The following ATF7IP variants were observed in gnomAD, a reference collection of about 807,000 sequenced individuals.
ATF7IP encodes activating transcription factor 7 interacting protein.
ATF7IP carries 23 observed loss-of-function variants against 106.4 expected under a neutral mutation model. That is an observed-to-expected ratio of 0.22 (90% CI 0.16 to 0.31). The LOEUF (loss-of-function observed/expected upper bound fraction) is 0.31. Ranked by LOEUF, ATF7IP falls within the 10% of genes least tolerant of loss-of-function variation. The probability of loss-of-function intolerance (pLI) is 1.00; values close to 1 mark genes in which losing one functional copy is unlikely to be tolerated. For synonymous variants in ATF7IP, 542 were observed against 539.0 expected (o/e 1.01, Z -0.08); for missense variants, 1,334 against 1,524.3 (o/e 0.88, Z 2.08).
At chr12:14,369,831 A>C (rs1331737802) in intron 1 of ATF7IP, among the ~76,000 whole-genome samples, 1 of 152,168 alleles carries the variant, frequency 6.6e-6, no homozygotes, top group African/African-American at 2.4e-5. Context: ...TTTGGTAGCA[A>C]ACAATTCTGA....
chr12:14,476,522 G>C (rs1373747541), intron 11 of ATF7IP: 1 of 151,042 alleles, frequency 6.6e-6, no homozygotes, highest in Non-Finnish European at 1.5e-5. Flanking sequence ...GAGTACCTCT[G>C]TTTTTGTATC....
chr12:14,396,498 A>C (rs549538885), intron 1 of ATF7IP, among the ~76,000 whole-genome samples: 1 of 152,086 alleles, frequency 6.6e-6, no homozygotes, highest in Non-Finnish European at 1.5e-5. Context: ...TGTATGTTTC[A>C]TCTCAGTAAA....
Position 14,460,952 on chromosome 12 carries a change from G to T in ATF7IP, c.2616G>T (p.Val872=), listed in dbSNP as rs1471515665. 3 of 1,614,124 alleles carry T rather than the reference G, an allele frequency of 1.9e-6. No homozygotes were observed. The highest frequency in any genetic ancestry group is 2.5e-6 in the Non-Finnish European group (3 of 1,180,022). Reference sequence around the variant, plus strand: ...CACCATTGGGAACAACACTTGCTGTGCAGGCTGTTCCAACAGCACACTCTA... The same window carrying T: ...CACCATTGGGAACAACACTTGCTGTTCAGGCTGTTCCAACAGCACACTCTA... ...SAAPLGTTLA[V]QAVPTAHSIV... The change falls in exon 9 of 15, where the codon GTG becomes GTT. Residue 872 remains valine, a synonymous_variant. Transcript: ENST00000261168.
chr12:14,463,410 T>C (rs936938692), intron 9 of ATF7IP, among the ~76,000 whole-genome samples: 1 of 152,184 alleles, frequency 6.6e-6, no homozygotes, highest in African/African-American at 2.4e-5. Flanking sequence ...GTAATGAATG[T>C]CTGTATTATC....
intron 1 of ATF7IP, among the ~76,000 whole-genome samples, chr12:14,392,210 C>A (rs1939593065): frequency 6.6e-6 from 1 of 151,606 alleles, no homozygotes; most frequent in Non-Finnish European, 1.5e-5. Flanking sequence ...CACAAGACTC[C>A]CTTTAGCACA....
At chr12:14,395,904 C>G (rs1939812072) in intron 1 of ATF7IP, among the ~76,000 whole-genome samples, 1 of 151,606 alleles carries the variant, frequency 6.6e-6, no homozygotes, top group Admixed American at 6.6e-5. Context: ...ATTTCTTAAC[C>G]TGGGTTAAAG....
intron 1 of ATF7IP, among the ~76,000 whole-genome samples, chr12:14,409,555 G>GT (rs1940790529): frequency 6.6e-6 from 1 of 152,000 alleles, no homozygotes; most frequent in Non-Finnish European, 1.5e-5. Context: ...TTTGTCTTTT[G>GT]TTTTTTGTTT....
intron 1 of ATF7IP, among the ~76,000 whole-genome samples, chr12:14,408,766 A>G (rs1017040628): frequency 3.3e-5 from 5 of 152,174 alleles, no homozygotes; most frequent in Non-Finnish European, 7.4e-5. Flanking sequence ...TACTTTTTGT[A>G]TGTAAACATG....
chr12:14,420,639 A>G (rs1941455768), intron 1 of ATF7IP, among the ~76,000 whole-genome samples: 1 of 152,162 alleles, frequency 6.6e-6, no homozygotes, highest in Non-Finnish European at 1.5e-5. Context: ...AAAAAGAAAA[A>G]AAAAATAAAG....
rs994572790 is a variant in ATF7IP at position 14,424,726 on chromosome 12, A to T, written c.811A>T (p.Thr271Ser). 2.5e-6 allele frequency: 4 copies of T among 1,614,100 alleles called. No homozygotes were observed. Among genetic ancestry groups the T allele is most frequent in the Middle Eastern group, 1.6e-4 (1 of 6,062 alleles). The part of the protein sequence containing the change: ...SSELASDDLA[T>S]GELASDELTS... Reference sequence around the variant, plus strand: ...TGAACTGGCCTCTGATGATCTGGCCACTGGTGAACTGGCCTCTGATGAGCT... The same window carrying T: ...TGAACTGGCCTCTGATGATCTGGCCTCTGGTGAACTGGCCTCTGATGAGCT... The change falls in exon 2 of 15, where the codon ACT becomes TCT. Residue 271 changes from threonine to serine, a missense_variant. Around this residue, in one of 10 missense-constraint regions of ATF7IP, gnomAD observed 438 missense variants for 405.3 expected, o/e 1.08. Coordinates refer to ENST00000261168, the MANE Select transcript of ATF7IP (RefSeq NM_018179.5).
chr12:14,445,747 A>C (rs1942927915), intron 5 of ATF7IP, among the ~76,000 whole-genome samples: 1 of 152,238 alleles, frequency 6.6e-6, no homozygotes, highest in African/African-American at 2.4e-5. Flanking sequence ...CTTTAAAAGT[A>C]AATCATAACA....
intron 1 of ATF7IP, chr12:14,419,833 A>G (rs1941399308): frequency 6.6e-6 from 1 of 152,190 alleles, no homozygotes; most frequent in African/African-American, 2.4e-5. Context: ...AATGAAGAGT[A>G]ATTTTTCTAA....
At chr12:14,440,064 A>G (rs2136637224) in intron 5 of ATF7IP, among the ~76,000 whole-genome samples, 1 of 152,132 alleles carries the variant, frequency 6.6e-6, no homozygotes, top group South Asian at 2.1e-4. Flanking sequence ...TTCTTGGAAA[A>G]CTCTTGAAGG....
At chr12:14,428,000 A>T (rs1192944953) in intron 2 of ATF7IP, among the ~76,000 whole-genome samples, 1 of 152,200 alleles carries the variant, frequency 6.6e-6, no homozygotes, top group African/African-American at 2.4e-5. Flanking sequence ...AAAGAACTTC[A>T]AGCAGAGAGG....
intron 2 of ATF7IP, 121 bp from the exon 3 acceptor site, chr12:14,434,216 T>C: frequency 1.6e-6 from 1 of 619,440 alleles, no homozygotes; most frequent in East Asian, 3.0e-5. Flanking sequence ...AATTTTACAT[T>C]TTGGGACTCT....
intron 13 of ATF7IP, among the ~76,000 whole-genome samples, chr12:14,495,620 A>G (rs1021435756): frequency 8.5e-5 from 13 of 152,162 alleles, no homozygotes; most frequent in African/African-American, 3.1e-4. Context: ...TCCCTGGTGT[A>G]TGTCACAGCA....
At chr12:14,406,750 G>A (rs1354102152) in intron 1 of ATF7IP, among the ~76,000 whole-genome samples, 6 of 145,960 alleles carry the variant, frequency 4.1e-5, no homozygotes, top group Middle Eastern at 3.3e-3. Flanking sequence ...CTGCCACCAC[G>A]CCTGGCTGAC....
intron 1 of ATF7IP, among the ~76,000 whole-genome samples, chr12:14,416,373 T>C (rs1410790214): frequency 6.6e-6 from 1 of 152,196 alleles, no homozygotes; most frequent in Non-Finnish European, 1.5e-5. Flanking sequence ...TGTTGTACTC[T>C]CAGGCAACAG....
chr12:14,476,091 G>T, intron 11 of ATF7IP, 123 bp downstream of exon 11: 1 of 746,360 alleles, frequency 1.3e-6, no homozygotes, highest in Non-Finnish European at 2.2e-6. Context: ...TGTTCTTTTT[G>T]GAATGGAAGT....
Sources: allele counts gnomAD v4.1 joint callset (sites outside exome capture counted in the v4.1 genomes callset), GRCh38; gene constraint gnomAD v4.1.1; regional missense constraint gnomAD v4.1.1; transcripts MANE v1.5; gene names NCBI Gene and HGNC (gene_info 2026-07-23, HGNC 2026-07-21).